IL4I1: variants seen among roughly 807,000 people sequenced by gnomAD.
IL4I1 encodes the protein L-amino-acid oxidase.
Under a neutral mutation model 29.7 loss-of-function variants are expected in IL4I1, and 24 were observed. That is an observed-to-expected ratio of 0.81 (90% CI 0.59 to 1.14). The LOEUF is 1.14. Among genes scored for constraint, IL4I1 ranks in the 50% most tolerant of loss-of-function variants. The probability of loss-of-function intolerance (pLI) is 0.00; values close to 1 mark genes in which losing one functional copy is unlikely to be tolerated. For missense variants in IL4I1, 686 were observed against 785.6 expected, an observed-to-expected ratio of 0.87 and a Z score of 1.52; for synonymous variants, 371 against 352.5, an observed-to-expected ratio of 1.05 and a Z score of -0.59.
intron 1 of IL4I1, 134 bp from the exon 2 acceptor site, chr19:49,896,316 T>A: frequency 8.9e-7 from 1 of 1,119,646 alleles, no homozygotes; most frequent in South Asian, 1.7e-5. Flanking sequence ...TGGACCTGTG[T>A]CCCCTAACCC....
Position 49,889,790 on chromosome 19 carries a change from C to T in IL4I1, c.1584G>A (p.Gly528=), listed in dbSNP as rs925469011. 31 of 1,540,134 alleles carry T rather than the reference C, an allele frequency of 2.0e-5. No homozygotes were observed. Among genetic ancestry groups the T allele is most frequent in the Non-Finnish European group, 2.6e-5 (30 of 1,143,358 alleles). The change falls in exon 8 of 8, where the codon GGG becomes GGA. Residue 528 remains glycine (G), a synonymous_variant. Coordinates refer to ENST00000391826, the MANE Select transcript of IL4I1 (RefSeq NM_152899.2). ...EGHASDMEGQ[G]HVHGVASSPS... is the part of the protein sequence containing the mutation. Reference sequence around the variant, plus strand: ...GGCTGCTGGCCACCCCATGCACATGCCCCTGCCCCTCCATGTCAGATGCGT... The same window carrying T: ...GGCTGCTGGCCACCCCATGCACATGTCCCTGCCCCTCCATGTCAGATGCGT...
At chr19:49,914,726 G>GTTTTTTTTTTTTTTTTTTTTTTT (rs530372497) in intron 2 of IL4I1, among the ~76,000 whole-genome samples, 1 of 56,362 alleles carries the variant, frequency 1.8e-5, no homozygotes, top group Non-Finnish European at 3.2e-5. Flanking sequence ...CCAAGTCCCA[G>GTTTTTTTTTTTTTTTTTTTTTTT]TTTTTTTTTT....
chr19:49,906,677 T>G (rs2075329452), intron 2 of IL4I1: 1 of 152,262 alleles, frequency 6.6e-6, no homozygotes. Flanking sequence ...AAAAGCTGCT[T>G]CATCGCATAC....
intron 3 of IL4I1, among the ~76,000 whole-genome samples, chr19:49,903,902 C>T (rs143676315): frequency 0.026 from 3,186 of 123,960 alleles, 64 homozygotes; most frequent in African/African-American, 0.057. Flanking sequence ...TGCAGTGGTA[C>T]GATCTCGGCT....
intron 5 of IL4I1, among the ~76,000 whole-genome samples, chr19:49,891,777 C>A (rs1318207004): frequency 6.6e-6 from 1 of 152,226 alleles, no homozygotes; most frequent in Non-Finnish European, 1.5e-5. Flanking sequence ...AGCCAGCCAG[C>A]CAGACTGTGA....
At chr19:49,924,298 C>G (rs998020023) in intron 2 of IL4I1, among the ~76,000 whole-genome samples, 1 of 152,144 alleles carries the variant, frequency 6.6e-6, no homozygotes, top group Non-Finnish European at 1.5e-5. Context: ...TTCTTGGCAC[C>G]GAGCCTCAGA....
In IL4I1 at chr19:49,890,575, CCCAGCCACCCACGATGCGGCTG is replaced by C; in HGVS notation, c.777_798del (p.Tyr259Ter). On this transcript the variant is annotated frameshift_variant, in exon 8 of 8. Transcript: ENST00000391826. LOFTEE classifies it low-confidence loss of function (END_TRUNC). ...CTCAGCAGCGCGCGCGGCAGCAGGT[CCCAGCCACCCACGATGCGGCTG>C]TACCTGCAGGCGGGGCGGGGCGGGG... The C allele has an allele frequency of 6.3e-7, 1 of 1,580,786 alleles. No homozygotes were observed. Among genetic ancestry groups the C allele is most frequent in the Non-Finnish European group, 8.6e-7 (1 of 1,167,142 alleles).
intron 2 of IL4I1, among the ~76,000 whole-genome samples, chr19:49,914,419 G>A (rs1376818057): frequency 1.3e-5 from 2 of 152,184 alleles, no homozygotes; most frequent in East Asian, 1.9e-4. Flanking sequence ...CACCCAGGCA[G>A]GACACAGCTC....
intron 2 of IL4I1, among the ~76,000 whole-genome samples, chr19:49,927,072 G>A (rs1409131374): frequency 6.6e-6 from 1 of 152,132 alleles, no homozygotes; most frequent in East Asian, 1.9e-4. Context: ...TGTTGCCCAG[G>A]CTGGTCTCGA....
chr19:49,900,395 C>T (rs1260572926), upstream of IL4I1, among the ~76,000 whole-genome samples: 1 of 152,244 alleles, frequency 6.6e-6, no homozygotes, highest in East Asian at 1.9e-4. Flanking sequence ...AAGTGATTCT[C>T]CTGCCTCAGC....
At chr19:49,918,534 TCTC>T (rs2075682380) in intron 2 of IL4I1, 1 of 152,372 alleles carries the variant, frequency 6.6e-6, no homozygotes, top group African/African-American at 2.4e-5. Context: ...GTCCTCTCTC[TCTC>T]CTCCTTAGGT....
chr19:49,901,629 G>A (rs570943545), upstream of IL4I1: 6 of 1,499,388 alleles, frequency 4.0e-6, no homozygotes, highest in African/African-American at 8.4e-5. Context: ...CCCCGGGTGG[G>A]GGCACTCACT....
At chr19:49,894,512 G>C in intron 4 of IL4I1, 43 bp from the exon 5 acceptor site, 1 of 1,570,740 alleles carries the variant, frequency 6.4e-7, no homozygotes, top group Non-Finnish European at 8.8e-7. Context: ...CTCCAGTGGG[G>C]GTGGCCTGGT....
intron 7 of IL4I1, 91 bp from the exon 8 acceptor site, chr19:49,890,691 T>A: frequency 2.0e-6 from 2 of 1,019,376 alleles, no homozygotes; most frequent in South Asian, 1.8e-5. Flanking sequence ...CAGCTGGCCC[T>A]TATGGGCACC....
intron 2 of IL4I1, among the ~76,000 whole-genome samples, chr19:49,924,732 G>T (rs1177558257): frequency 1.3e-5 from 2 of 152,206 alleles, no homozygotes; most frequent in African/African-American, 4.8e-5. Flanking sequence ...GACCGGCTAT[G>T]AACTAGAACA....
intron 2 of IL4I1, among the ~76,000 whole-genome samples, chr19:49,924,503 C>G (rs893778813): frequency 6.6e-6 from 1 of 152,160 alleles, no homozygotes; most frequent in African/African-American, 2.4e-5. Flanking sequence ...CCTGCAACCA[C>G]CGCCTCACTC....
chr19:49,904,418 C>T (rs537636515), intron 2 of IL4I1: 63 of 152,098 alleles, frequency 4.1e-4, no homozygotes, highest in African/African-American at 1.4e-3. Flanking sequence ...CTCCTAGACT[C>T]CCCCAGGAGG....
At chr19:49,908,146 CAAGT>C in intron 2 of IL4I1, 1 of 1,540,258 alleles carries the variant, frequency 6.5e-7, no homozygotes, top group Non-Finnish European at 8.7e-7. Context: ...AACAAACAAA[CAAGT>C]ATCTTGCCAC....
chr19:49,896,141 TACTC>T lies in IL4I1; in HGVS notation c.13+3_13+6del, dbSNP rs2075206617. ...CTTGTTCCAGAGCCCCTCCCCTGCT[TACTC>T]ACCCAATGGGGCCATGACTCTCGGT... On this transcript the variant is annotated splice_donor_5th_base_variant and intron_variant, in intron 2 of 7. Transcript: ENST00000391826. 6.4e-7 allele frequency: 1 copy of T among 1,552,392 alleles called. No homozygotes were observed. Among genetic ancestry groups the T allele is most frequent in the African/African-American group, 1.4e-5 (1 of 72,348 alleles).
Sources: gnomAD v4.1 joint callset for allele counts (sites outside exome capture counted in the v4.1 genomes callset) on GRCh38, gnomAD v4.1.1 for gene constraint, MANE v1.5 for transcripts, NCBI Gene and HGNC (gene_info 2026-07-23, HGNC 2026-07-21) for gene names.